DCC: variants seen among roughly 807,000 people sequenced by gnomAD.
DCC encodes DCC netrin 1 receptor.
A neutral mutation model predicts 172.5 loss-of-function variants in DCC; 58 were observed. The ratio of observed to expected loss-of-function variants is 0.34; its 90% CI spans 0.27 to 0.42. DCC has a LOEUF of 0.42. DCC is among the 10% of genes least tolerant of loss of function. The probability of loss-of-function intolerance (pLI) is 1.00; values close to 1 mark genes in which losing one functional copy is unlikely to be tolerated. For missense variants in DCC, 1,740 were observed against 1,791.0 expected (o/e 0.97, Z 0.51); for synonymous variants, 709 against 644.5 (o/e 1.10, Z -1.52).
At chr18:53,042,077 T>C (rs1386067256) in intron 5 of DCC, among the ~76,000 whole-genome samples, 2 of 152,054 alleles carry the variant, frequency 1.3e-5, no homozygotes, top group Non-Finnish European at 2.9e-5. Context: ...CTCCTTGTCT[T>C]GTGCTGGTTT....
At chr18:52,737,801 G>A (rs144551473) in intron 1 of DCC, among the ~76,000 whole-genome samples, 4 of 152,248 alleles carry the variant, frequency 2.6e-5, no homozygotes, top group African/African-American at 9.6e-5. Context: ...ACTTCACCTG[G>A]ATGTACAGCC....
chr18:52,557,212 G>A (rs1470503926), intron 1 of DCC, among the ~76,000 whole-genome samples: 1 of 152,196 alleles, frequency 6.6e-6, no homozygotes, highest in Non-Finnish European at 1.5e-5. Flanking sequence ...AAGTATGTTA[G>A]TGTATGGTTA....
intron 1 of DCC, among the ~76,000 whole-genome samples, chr18:52,521,540 A>G (rs1283943054): frequency 6.6e-6 from 1 of 152,130 alleles, no homozygotes; most frequent in Admixed American, 6.5e-5. Context: ...ACCAAATGCC[A>G]TCACTTTGGG....
chr18:52,783,353 T>C, intron 2 of DCC, among the ~76,000 whole-genome samples: 1 of 70,144 alleles, frequency 1.4e-5, no homozygotes, highest in Non-Finnish European at 3.6e-5. Context: ...TTTTTTTTTT[T>C]TTTTTTTTAC....
intron 12 of DCC, among the ~76,000 whole-genome samples, chr18:53,244,865 C>T (rs1362890779): frequency 6.6e-6 from 1 of 152,058 alleles, no homozygotes; most frequent in African/African-American, 2.4e-5. Context: ...ATGAGATACC[C>T]AAATTTAGAT....
intron 25 of DCC, among the ~76,000 whole-genome samples, chr18:53,477,544 A>G (rs543542595): frequency 1.3e-5 from 2 of 152,276 alleles, no homozygotes; most frequent in East Asian, 1.9e-4. Flanking sequence ...TCACATATAT[A>G]AAGATCGTTG....
intron 2 of DCC, among the ~76,000 whole-genome samples, chr18:52,853,428 A>T (rs1756190600): frequency 6.6e-6 from 1 of 152,240 alleles, no homozygotes; most frequent in African/African-American, 2.4e-5. Context: ...CCAACTTTTC[A>T]TACTACATTA....
Position 53,127,253 on chromosome 18 carries a change from C to A in DCC, c.1262-30103C>A, listed in dbSNP as rs573253371. ...AACTCTTGGCCTCACGTGATCCTCC[C>A]GCCTGAGCCTCCCAAAGTGCTGGGG... On this transcript the variant is annotated intron_variant, in intron 7 of 28. Coordinates refer to ENST00000442544, the MANE Select transcript of DCC (RefSeq NM_005215.4). Among the ~76,000 whole-genome samples the A allele has an allele frequency of 3.3e-5, 5 of 151,460 alleles. No individual in the cohort carries two copies. The East Asian group carries it at 7.8e-4, about 24-fold the overall frequency.
At chr18:53,306,893 A>G (rs8090222) in intron 13 of DCC, among the ~76,000 whole-genome samples, 6,790 of 152,300 alleles carry the variant, frequency 0.045, 471 homozygotes, top group African/African-American at 0.15. Context: ...GGTCAGGACA[A>G]CATACAAACC....
chr18:52,836,819 G>A (rs980466494), intron 2 of DCC, among the ~76,000 whole-genome samples: 17 of 152,302 alleles, frequency 1.1e-4, no homozygotes, highest in African/African-American at 4.1e-4. Context: ...TGCCCCACTG[G>A]AGACTCTGTT....
intron 27 of DCC, among the ~76,000 whole-genome samples, chr18:53,507,150 T>TATAC (rs1358017683): frequency 6.6e-6 from 1 of 150,758 alleles, no homozygotes; most frequent in East Asian, 2.0e-4. Context: ...AGACTCATGG[T>TATAC]ATACATTTTA....
chr18:53,013,695 A>T (rs1212857037), intron 5 of DCC, among the ~76,000 whole-genome samples: 1 of 151,196 alleles, frequency 6.6e-6, no homozygotes, highest in Non-Finnish European at 1.5e-5. Flanking sequence ...GCATCCCAGA[A>T]CTTAAAAAAA....
rs71179511 is a variant in DCC at position 53,495,389 on chromosome 18, CAA to C, written c.3899-3893_3899-3892del. Among the ~76,000 whole-genome samples the C allele has an allele frequency of 3.5e-3, 412 of 116,670 alleles. 1 individual carries two copies. The highest frequency in any genetic ancestry group is 0.013 in the African/African-American group (392 of 29,552). 76.5% of individuals were successfully genotyped at this position (116,670 alleles called of 152,430 possible). ...TGGGTAACAGAGCAAGACTCCATCT[CAA>C]AAAAAAAAAAAAAAAGAAAGAAAGA... is the stretch of plus-strand genomic sequence containing the variant. On this transcript the variant is annotated intron_variant, in intron 26 of 28. Transcript: ENST00000442544.
At chr18:52,533,394 T>C (rs546204548) in intron 1 of DCC, among the ~76,000 whole-genome samples, 1 of 152,294 alleles carries the variant, frequency 6.6e-6, no homozygotes, top group South Asian at 2.1e-4. Flanking sequence ...GGCCCTTTGA[T>C]GTGCCTGCCT....
At chr18:53,314,804 G>T (rs1227262109) in intron 13 of DCC, among the ~76,000 whole-genome samples, 1 of 152,090 alleles carries the variant, frequency 6.6e-6, no homozygotes, top group Non-Finnish European at 1.5e-5. Flanking sequence ...ATCTCTACAG[G>T]ATGCTAAAAC....
intron 26 of DCC, among the ~76,000 whole-genome samples, chr18:53,499,042 T>G (rs1230310636): frequency 6.6e-6 from 1 of 152,196 alleles, no homozygotes; most frequent in East Asian, 1.9e-4. Context: ...ATATAGTCAG[T>G]GCTCAATATA....
chr18:52,737,603 G>A (rs1392414262), intron 1 of DCC, among the ~76,000 whole-genome samples: 4 of 152,120 alleles, frequency 2.6e-5, no homozygotes, highest in African/African-American at 9.7e-5. Context: ...GGTACAGCGG[G>A]GAGTAGTAGC....
chr18:53,404,722 C>G (rs1156715524), intron 19 of DCC, among the ~76,000 whole-genome samples: 1 of 147,424 alleles, frequency 6.8e-6, no homozygotes, highest in African/African-American at 2.5e-5. Context: ...CAGAGTAAGA[C>G]TCCGTCTCAA....
At chr18:52,535,815 GA>G (rs1296398640) in intron 1 of DCC, among the ~76,000 whole-genome samples, 1 of 152,098 alleles carries the variant, frequency 6.6e-6, no homozygotes, top group Non-Finnish European at 1.5e-5. Context: ...TAAGCAGTGG[GA>G]AAACATAGAT....
Sources: allele counts gnomAD v4.1 joint callset (sites outside exome capture counted in the v4.1 genomes callset), GRCh38; gene constraint gnomAD v4.1.1; transcripts MANE v1.5; gene names NCBI Gene and HGNC (gene_info 2026-07-23, HGNC 2026-07-21).